Variants in SLC6A11 observed in about 807,000 individuals in gnomAD.
The protein encoded by SLC6A11 is solute carrier family 6 member 11.
A neutral mutation model predicts 74.8 loss-of-function variants in SLC6A11; 25 were observed. The ratio of observed to expected loss-of-function variants is 0.33; its 90% CI spans 0.24 to 0.47. The LOEUF (loss-of-function observed/expected upper bound fraction) is 0.47. Among genes scored for constraint, SLC6A11 ranks in the 20% least tolerant of loss-of-function variants. The pLI is 1.00. For synonymous variants in SLC6A11, 330 were observed against 330.2 expected (o/e 1.00, Z 0.01); for missense variants, 574 against 837.0 (o/e 0.69, Z 3.88).
intron 6 of SLC6A11, among the ~76,000 whole-genome samples, chr3:10,901,126 T>C (rs1296177330): frequency 6.6e-6 from 1 of 152,230 alleles, no homozygotes; most frequent in East Asian, 1.9e-4. Flanking sequence ...TCCCTGAGTC[T>C]GCATGGACAT....
At chr3:10,817,939 G>A (rs1482115434) in intron 1 of SLC6A11, among the ~76,000 whole-genome samples, 1 of 152,134 alleles carries the variant, frequency 6.6e-6, no homozygotes, top group Non-Finnish European at 1.5e-5. Context: ...TGCACACCTA[G>A]GGTAGTCCCC....
chr3:10,875,775 C>G (rs563591511), intron 6 of SLC6A11, among the ~76,000 whole-genome samples: 9 of 152,256 alleles, frequency 5.9e-5, no homozygotes, highest in African/African-American at 2.2e-4. Flanking sequence ...CCCTGGAATA[C>G]GTTAAACAGA....
chr3:10,857,416 G>T (rs1694651734), intron 5 of SLC6A11, among the ~76,000 whole-genome samples: 1 of 152,134 alleles, frequency 6.6e-6, no homozygotes, highest in Non-Finnish European at 1.5e-5. Flanking sequence ...TGAGTAGGGG[G>T]TGTGTTTTGG....
At chr3:10,844,800 G>A (rs1321888873) in intron 5 of SLC6A11, among the ~76,000 whole-genome samples, 2 of 152,202 alleles carry the variant, frequency 1.3e-5, no homozygotes, top group Non-Finnish European at 2.9e-5. Flanking sequence ...GGGAAGAGCA[G>A]CTGCTTCATC....
At chr3:10,871,237 A>G (rs1219428149) in intron 5 of SLC6A11, among the ~76,000 whole-genome samples, 1 of 152,250 alleles carries the variant, frequency 6.6e-6, no homozygotes, top group Non-Finnish European at 1.5e-5. Flanking sequence ...GAAACTGGAC[A>G]TAGCATAACC....
Position 10,938,464 on chromosome 3 carries a change from C to T in SLC6A11, c.*62C>T. ...TCCCCCCGTGTATGTAAATGAATTC[C>T]TGAACCCCATACTTCACCTAATGGT... is the stretch of plus-strand genomic sequence containing the variant. On this transcript the variant is annotated 3_prime_UTR_variant, in exon 14 of 14. Coordinates refer to ENST00000254488, the MANE Select transcript of SLC6A11 (RefSeq NM_014229.3). 2 of 1,502,124 alleles carry T rather than the reference C, an allele frequency of 1.3e-6. No homozygotes were observed. The highest frequency in any genetic ancestry group is 1.8e-6 in the Non-Finnish European group (2 of 1,109,678). 93.0% of individuals were successfully genotyped at this position (1,502,124 alleles called of 1,614,324 possible).
chr3:10,878,662 C>T (rs1355204361), intron 6 of SLC6A11, among the ~76,000 whole-genome samples: 1 of 151,678 alleles, frequency 6.6e-6, no homozygotes, highest in East Asian at 1.9e-4. Flanking sequence ...ATCCACCCAC[C>T]TTGGCCTCCC....
At chr3:10,925,512 G>A (rs77996065) in intron 8 of SLC6A11, among the ~76,000 whole-genome samples, 2,593 of 152,312 alleles carry the variant, frequency 0.017, 89 homozygotes, top group East Asian at 0.16. Context: ...AAACAAGGGA[G>A]TGTAGACCTG....
At position 10,875,105 on chromosome 3, in the gene SLC6A11, G is replaced by A. The variant is rs192127326; in HGVS notation, c.891+10G>A. ...GCTCTCCGACCCCCAGGTAAGAGTC[G>A]CTTGCTCAATGTGCAGCATCACCCA... On this transcript the variant is annotated intron_variant, in intron 6 of 13. Coordinates refer to ENST00000254488, the MANE Select transcript of SLC6A11 (RefSeq NM_014229.3). 23 of 1,596,632 alleles carry A rather than the reference G, an allele frequency of 1.4e-5. No homozygotes were observed. Among genetic ancestry groups the A allele is most frequent in the African/African-American group, 4.0e-5 (3 of 74,720 alleles).
chr3:10,923,660 C>G (rs1695564673), intron 8 of SLC6A11, among the ~76,000 whole-genome samples: 1 of 152,074 alleles, frequency 6.6e-6, no homozygotes, highest in South Asian at 2.1e-4. Context: ...CAAGACCCAC[C>G]AATGGATACT....
chr3:10,912,244 T>C lies in SLC6A11; in HGVS notation c.995+51T>C, dbSNP rs376562118. On this transcript the variant is annotated intron_variant, in intron 7 of 13. Transcript: ENST00000254488. ...GCTCTCCACCAAACCCTGAGAGCCCTCTAACCTGCCAGGCTAGTTTATGTT... is the reference window on the plus strand; with the variant it reads ...GCTCTCCACCAAACCCTGAGAGCCCCCTAACCTGCCAGGCTAGTTTATGTT... The C allele has an allele frequency of 3.1e-5, 37 of 1,207,570 alleles. No individual in the cohort carries two copies. The African/African-American group carries it at 5.1e-4, about 17-fold the overall frequency. 74.8% of individuals were successfully genotyped at this position (1,207,570 alleles called of 1,614,324 possible). A position where few individuals can be genotyped will look rare whatever the true frequency, so the allele number is the denominator to read the frequency against.
At chr3:10,903,711 C>T (rs1488983969) in intron 6 of SLC6A11, among the ~76,000 whole-genome samples, 1 of 152,188 alleles carries the variant, frequency 6.6e-6, no homozygotes, top group Non-Finnish European at 1.5e-5. Flanking sequence ...ACCTGCTGCT[C>T]ATGAGGGCTT....
chr3:10,823,629 G>A, intron 4 of SLC6A11: 1 of 472,410 alleles, frequency 2.1e-6, no homozygotes. Flanking sequence ...CATGCATAGT[G>A]GGTTATTAGG....
Position 10,926,026 on chromosome 3 carries a change from G to C in SLC6A11, c.1143G>C (p.Ala381=). ...CAGGCCCCGGCCTGGCCTTTATTGC[G>C]TACCCCAAGGCGGTCACCATGATGC... ...AESGPGLAFI[A]YPKAVTMMPL... Residue 381 remains alanine (A), a synonymous_variant, in exon 9 of 14, where the codon GCG becomes GCC. Transcript: ENST00000254488. This position sits in a 1 kb window ranked among gnomAD's most constrained non-coding sequence, Gnocchi z 5.7. 6.2e-7 allele frequency: 1 copy of C among 1,611,902 alleles called. No individual in the cohort carries two copies. The highest frequency in any genetic ancestry group is 8.5e-7 in the Non-Finnish European group (1 of 1,178,502).
At chr3:10,866,699 A>G (rs1575681508) in intron 5 of SLC6A11, among the ~76,000 whole-genome samples, 3 of 152,368 alleles carry the variant, frequency 2.0e-5, no homozygotes, top group East Asian at 3.9e-4. Flanking sequence ...CCCTTGAAGA[A>G]ATGCCACTGT....
At chr3:10,877,946 T>C (rs1694929307) in intron 6 of SLC6A11, among the ~76,000 whole-genome samples, 1 of 152,114 alleles carries the variant, frequency 6.6e-6, no homozygotes, top group Non-Finnish European at 1.5e-5. Context: ...GACCCCCGAC[T>C]CCGTCCTTGT....
chr3:10,837,266 A>G (rs1287384668), intron 4 of SLC6A11, among the ~76,000 whole-genome samples: 1 of 152,170 alleles, frequency 6.6e-6, no homozygotes, highest in Non-Finnish European at 1.5e-5. Flanking sequence ...TTGGGGACTG[A>G]TGGAGACTGG....
At chr3:10,879,927 A>G (rs959549680) in intron 6 of SLC6A11, among the ~76,000 whole-genome samples, 3 of 152,196 alleles carry the variant, frequency 2.0e-5, no homozygotes, top group Non-Finnish European at 4.4e-5. Flanking sequence ...ACCTGTACAT[A>G]CATACATACA....
intron 4 of SLC6A11, among the ~76,000 whole-genome samples, chr3:10,827,670 A>C (rs1478235758): frequency 6.6e-6 from 1 of 152,194 alleles, no homozygotes; most frequent in African/African-American, 2.4e-5. Flanking sequence ...TGGTACACAT[A>C]AGAAAAGCAC....
Sources: allele counts gnomAD v4.1 joint callset (sites outside exome capture counted in the v4.1 genomes callset), GRCh38; gene constraint gnomAD v4.1.1; non-coding constraint Gnocchi (gnomAD v3.1); transcripts MANE v1.5; gene names NCBI Gene and HGNC (gene_info 2026-07-23, HGNC 2026-07-21).